The following KCNIP4 variants were observed in gnomAD, a reference collection of about 807,000 sequenced individuals.
KCNIP4 encodes Kv channel-interacting protein 4.
Under a neutral mutation model 34.0 loss-of-function variants are expected in KCNIP4, and 12 were observed. The ratio of observed to expected loss-of-function variants is 0.35; its 90% CI spans 0.23 to 0.57. The LOEUF is 0.57. Ranked by LOEUF, KCNIP4 falls within the 20% of genes least tolerant of loss-of-function variation. KCNIP4 has a pLI of 0.83. For missense variants in KCNIP4, 238 were observed against 311.7 expected, an observed-to-expected ratio of 0.76 and a Z score of 1.78; for synonymous variants, 124 against 102.2, an observed-to-expected ratio of 1.21 and a Z score of -1.29.
At chr4:21,520,337 T>G (rs1284717772) in intron 1 of KCNIP4, among the ~76,000 whole-genome samples, 1 of 152,124 alleles carries the variant, frequency 6.6e-6, no homozygotes, top group East Asian at 1.9e-4. Context: ...GATCTCAGTT[T>G]TCCAGCCTCC....
chr4:21,054,514 T>C (rs1743230654), intron 1 of KCNIP4, among the ~76,000 whole-genome samples: 1 of 145,242 alleles, frequency 6.9e-6, no homozygotes, highest in Admixed American at 6.9e-5. Context: ...AGTGAAACTC[T>C]GTCAAAGAAA....
In KCNIP4 at chr4:21,065,736, ATATATATATATATATATATATATATATAT is replaced by A. The variant is rs1560690265; in HGVS notation, c.62-183056_62-183028del. On this transcript the variant is annotated intron_variant, in intron 1 of 8. Coordinates refer to ENST00000382152, the MANE Select transcript of KCNIP4 (RefSeq NM_025221.6). Reference sequence around the variant, plus strand: ...ATTGGTATCATTTGTCTATATATATATATATATATATATATATATATATATATATAACTCAATTTTATTTTAAAAAATAG... The same window carrying A: ...ATTGGTATCATTTGTCTATATATATAAACTCAATTTTATTTTAAAAAATAG... 1.2e-3 allele frequency among the ~76,000 whole-genome samples: 153 copies of A among 132,622 alleles called. 2 individuals carry two copies. The highest frequency in any genetic ancestry group is 4.0e-3 in the African/African-American group (141 of 35,218). 87.0% of individuals were successfully genotyped at this position (132,622 alleles called of 152,430 possible).
intron 1 of KCNIP4, among the ~76,000 whole-genome samples, chr4:21,755,163 T>C (rs1165615882): frequency 6.6e-6 from 1 of 152,046 alleles, no homozygotes; most frequent in Non-Finnish European, 1.5e-5. Flanking sequence ...AGAAAGAACA[T>C]GGAAAGAATA....
rs368853723 is a variant in KCNIP4 at position 21,542,522 on chromosome 4, G to A, written c.61+406049C>T. ...AAAATATAAAGCTCTTGATTAGGACGTTATGAAATTACCTTTATTGATATT... is the reference window on the plus strand; with the variant it reads ...AAAATATAAAGCTCTTGATTAGGACATTATGAAATTACCTTTATTGATATT... On this transcript the variant is annotated intron_variant, in intron 1 of 8. Coordinates refer to ENST00000382152, the MANE Select transcript of KCNIP4 (RefSeq NM_025221.6). 1.9e-3 allele frequency among the ~76,000 whole-genome samples: 290 copies of A among 151,904 alleles called. 12 individuals are homozygous for A. In the South Asian group the frequency reaches 0.047, roughly 25 times the overall value.
intron 1 of KCNIP4, among the ~76,000 whole-genome samples, chr4:21,410,225 C>T (rs1724365408): frequency 6.6e-6 from 1 of 152,076 alleles, no homozygotes; most frequent in South Asian, 2.1e-4. Context: ...GTATATAAAG[C>T]ATATTACTAG....
chr4:21,645,366 G>A (rs751260769), intron 1 of KCNIP4, among the ~76,000 whole-genome samples: 5 of 152,002 alleles, frequency 3.3e-5, no homozygotes, highest in African/African-American at 4.8e-5. Flanking sequence ...TGTATTAAGC[G>A]GTTAATGGAG....
chr4:21,422,407 G>A (rs2109631556), intron 1 of KCNIP4, among the ~76,000 whole-genome samples: 1 of 152,108 alleles, frequency 6.6e-6, no homozygotes, highest in South Asian at 2.1e-4. Flanking sequence ...CACCATGTTG[G>A]CCAGGCTGGT....
chr4:21,470,835 A>T (rs13104819), intron 1 of KCNIP4, among the ~76,000 whole-genome samples: 18,956 of 150,956 alleles, frequency 0.13, 1,345 homozygotes, highest in South Asian at 0.21. Context: ...AAAAAAAAAA[A>T]GTCCTCTTTG....
At chr4:20,871,114 A>G (rs904840919) in intron 2 of KCNIP4, among the ~76,000 whole-genome samples, 3 of 152,140 alleles carry the variant, frequency 2.0e-5, no homozygotes, top group African/African-American at 7.2e-5. Flanking sequence ...ATTAGAGACA[A>G]TTTATTCATT....
intron 1 of KCNIP4, among the ~76,000 whole-genome samples, chr4:21,907,350 C>A: frequency 6.6e-6 from 1 of 152,150 alleles, no homozygotes; most frequent in East Asian, 1.9e-4. Context: ...GCTTTTCCAC[C>A]ATGTTATGAG....
intron 1 of KCNIP4, among the ~76,000 whole-genome samples, chr4:21,356,980 T>C (rs1578122712): frequency 6.6e-6 from 1 of 151,996 alleles, no homozygotes; most frequent in South Asian, 2.1e-4. Context: ...TATAGACCAA[T>C]GGAACAGAAC....
chr4:21,557,205 C>T (rs2199286), intron 1 of KCNIP4, among the ~76,000 whole-genome samples: 64,683 of 151,758 alleles, frequency 0.43, 13,989 homozygotes, highest in East Asian at 0.66. Context: ...TAGTGCTCTA[C>T]GGAGATGAAC....
At chr4:21,370,842 TATATATATAC>T (rs1420012678) in intron 1 of KCNIP4, among the ~76,000 whole-genome samples, 11 of 27,230 alleles carry the variant, frequency 4.0e-4, no homozygotes, top group South Asian at 2.3e-3. Context: ...TATATATATA[TATATATATAC>T]ACACACACAC....
At chr4:20,966,123 T>C (rs1317731353) in intron 1 of KCNIP4, among the ~76,000 whole-genome samples, 1 of 152,186 alleles carries the variant, frequency 6.6e-6, no homozygotes, top group African/African-American at 2.4e-5. Context: ...TGCTGAATAT[T>C]GGGAAGATAG....
chr4:21,054,707 C>CAAAAAA (rs34366909), intron 1 of KCNIP4, among the ~76,000 whole-genome samples: 14 of 86,190 alleles, frequency 1.6e-4, no homozygotes, highest in Non-Finnish European at 2.6e-4. Context: ...TACTCACATG[C>CAAAAAA]AAAAAAAAAA....
intron 1 of KCNIP4, among the ~76,000 whole-genome samples, chr4:21,804,461 T>G (rs1418456808): frequency 1.3e-5 from 2 of 152,158 alleles, no homozygotes; most frequent in Admixed American, 1.3e-4. Context: ...ACCACAGAAA[T>G]TTCACTTTTT....
intron 1 of KCNIP4, among the ~76,000 whole-genome samples, chr4:21,575,502 C>G (rs1185580566): frequency 2.9e-5 from 1 of 34,140 alleles, no homozygotes; most frequent in African/African-American, 3.2e-4. Context: ...TTCTCCTTAT[C>G]TTTTCCTTCC....
chr4:21,074,615 G>C (rs1373417988), intron 1 of KCNIP4, among the ~76,000 whole-genome samples: 1 of 152,002 alleles, frequency 6.6e-6, no homozygotes, highest in Non-Finnish European at 1.5e-5. Flanking sequence ...TTTTTTGAAG[G>C]GTTTTTTGTG....
chr4:20,748,171 C>G (rs1459132959), intron 5 of KCNIP4, among the ~76,000 whole-genome samples: 14 of 152,140 alleles, frequency 9.2e-5, no homozygotes, highest in Admixed American at 9.2e-4. Flanking sequence ...GTCCAATCTC[C>G]TGCCTAAGAC....
Sources: allele counts gnomAD v4.1 joint callset (sites outside exome capture counted in the v4.1 genomes callset), GRCh38; gene constraint gnomAD v4.1.1; transcripts MANE v1.5; gene names NCBI Gene and HGNC (gene_info 2026-07-23, HGNC 2026-07-21).